DOK6: variants seen among roughly 807,000 people sequenced by gnomAD.
DOK6 encodes docking protein 6.
A neutral mutation model predicts 44.0 loss-of-function variants in DOK6; 22 were observed. The observed-to-expected ratio is 0.50, with a 90% CI of 0.36 to 0.71. The LOEUF (loss-of-function observed/expected upper bound fraction) is 0.71. Among genes scored for constraint, DOK6 ranks in the 30% least tolerant of loss-of-function variants. The probability of loss-of-function intolerance (pLI) is 0.00; values close to 1 mark genes in which losing one functional copy is unlikely to be tolerated. For missense variants in DOK6, 340 were observed against 416.4 expected (o/e 0.82, Z 1.60); for synonymous variants, 166 against 145.5 (o/e 1.14, Z -1.01).
intron 3 of DOK6, among the ~76,000 whole-genome samples, chr18:69,650,881 T>C (rs28602364): frequency 0.49 from 74,271 of 152,090 alleles, 18,696 homozygotes; most frequent in Admixed American, 0.63. Context: ...TTTGACTGTT[T>C]TCTTTGGTAT....
chr18:69,556,026 G>A (rs1982677769), intron 1 of DOK6, among the ~76,000 whole-genome samples: 1 of 152,206 alleles, frequency 6.6e-6, no homozygotes, highest in Non-Finnish European at 1.5e-5. Context: ...ATTGCAAAGT[G>A]TCTCCATCTC....
intron 5 of DOK6, among the ~76,000 whole-genome samples, chr18:69,717,751 C>G (rs1335820894): frequency 6.6e-6 from 1 of 152,088 alleles, no homozygotes; most frequent in African/African-American, 2.4e-5. Context: ...CTGGGGTGAT[C>G]AGGGCAGAGA....
chr18:69,420,110 T>C (rs1599122276), intron 1 of DOK6, among the ~76,000 whole-genome samples: 1 of 152,138 alleles, frequency 6.6e-6, no homozygotes, highest in Non-Finnish European at 1.5e-5. Context: ...AAATTTAGCT[T>C]TTTAACCAAT....
intron 1 of DOK6, among the ~76,000 whole-genome samples, chr18:69,416,742 A>G (rs1026198182): frequency 6.6e-6 from 1 of 152,118 alleles, no homozygotes; most frequent in Non-Finnish European, 1.5e-5. Flanking sequence ...GGCCCACCTC[A>G]TAGGGCTGTG....
At chr18:69,663,645 T>C (rs1568326462) in intron 3 of DOK6, among the ~76,000 whole-genome samples, 1 of 152,188 alleles carries the variant, frequency 6.6e-6, no homozygotes. Context: ...AATTTTGTTA[T>C]CCTTTCCCCA....
At chr18:69,478,930 A>T (rs983916493) in intron 1 of DOK6, among the ~76,000 whole-genome samples, 7 of 152,174 alleles carry the variant, frequency 4.6e-5, no homozygotes, top group African/African-American at 1.7e-4. Context: ...ATAGAAAAAG[A>T]CCACCAGATT....
chr18:69,513,394 A>ACACACACACT (rs1568281770), intron 1 of DOK6, among the ~76,000 whole-genome samples: 21 of 152,200 alleles, frequency 1.4e-4, no homozygotes, highest in Non-Finnish European at 8.8e-5. Context: ...ACACACGCAC[A>ACACACACACT]CTCTCTCTCA....
At chr18:69,775,408 A>G (rs1568122897) in intron 7 of DOK6, among the ~76,000 whole-genome samples, 1 of 152,102 alleles carries the variant, frequency 6.6e-6, no homozygotes, top group East Asian at 1.9e-4. Flanking sequence ...TTTAAAAGAA[A>G]GGTAGAATTA....
chr18:69,698,844 G>C (rs1231812103), intron 5 of DOK6, among the ~76,000 whole-genome samples: 1 of 151,998 alleles, frequency 6.6e-6, no homozygotes, highest in East Asian at 1.9e-4. Flanking sequence ...ACTCAAACTG[G>C]TTTTGTAATT....
chr18:69,582,480 G>C (rs972077129), intron 2 of DOK6, among the ~76,000 whole-genome samples: 12 of 152,134 alleles, frequency 7.9e-5, no homozygotes, highest in African/African-American at 2.7e-4. Context: ...TTGTAACAAA[G>C]AGTTGATATA....
chr18:69,406,945 G>C (rs1229346768), intron 1 of DOK6, among the ~76,000 whole-genome samples: 1 of 152,140 alleles, frequency 6.6e-6, no homozygotes, highest in East Asian at 1.9e-4. Flanking sequence ...GCGGGGTGCA[G>C]AGGCCAGCGC....
At chr18:69,721,096 C>T (rs974718514) in intron 5 of DOK6, among the ~76,000 whole-genome samples, 4 of 152,154 alleles carry the variant, frequency 2.6e-5, no homozygotes, top group Non-Finnish European at 4.4e-5. Flanking sequence ...AAAGAAGTAG[C>T]TATCCTCACA....
At chr18:69,484,181 C>T (rs1318326815) in intron 1 of DOK6, among the ~76,000 whole-genome samples, 2 of 151,950 alleles carry the variant, frequency 1.3e-5, no homozygotes, top group Admixed American at 6.6e-5. Context: ...CAATAGGTCT[C>T]TAAAATCCGA....
At chr18:69,723,798 G>T (rs1249991844) in intron 5 of DOK6, among the ~76,000 whole-genome samples, 2 of 152,134 alleles carry the variant, frequency 1.3e-5, no homozygotes, top group Non-Finnish European at 2.9e-5. Flanking sequence ...CAGTTTTAGA[G>T]ATGGGCAGCC....
intron 3 of DOK6, among the ~76,000 whole-genome samples, chr18:69,609,010 T>A (rs1984071381): frequency 6.6e-6 from 1 of 151,952 alleles, no homozygotes. Context: ...TTAACTATTT[T>A]CTTAACTATT....
intron 1 of DOK6, among the ~76,000 whole-genome samples, chr18:69,441,020 G>A (rs1979122300): frequency 6.6e-6 from 1 of 151,988 alleles, no homozygotes; most frequent in Non-Finnish European, 1.5e-5. Context: ...AAATTACAAA[G>A]GCAGAAAGAT....
intron 2 of DOK6, among the ~76,000 whole-genome samples, chr18:69,597,934 A>G (rs1983784403): frequency 6.6e-6 from 1 of 152,232 alleles, no homozygotes; most frequent in African/African-American, 2.4e-5. Context: ...GATCAACTGT[A>G]ACTTTAAAAA....
intron 1 of DOK6, among the ~76,000 whole-genome samples, chr18:69,410,204 A>G (rs900681431): frequency 1.3e-5 from 2 of 152,258 alleles, no homozygotes; most frequent in African/African-American, 4.8e-5. Flanking sequence ...ATAATTATCT[A>G]TATTACCTAT....
At position 69,841,372 on chromosome 18, in the gene DOK6, C is replaced by T. The variant is rs1343759333; in HGVS notation, c.985C>T (p.Leu329Phe). 1.2e-6 allele frequency: 2 copies of T among 1,614,196 alleles called. No individual in the cohort carries two copies. Among genetic ancestry groups the T allele is most frequent in the Non-Finnish European group, 1.7e-6 (2 of 1,180,018 alleles). The change falls in exon 8 of 8, where the codon CTC becomes TTC. Residue 329 changes from leucine to phenylalanine, a missense_variant. Physicochemically the swap from Leu to Phe is conservative, Grantham distance 22. This residue lies in a region of DOK6 where 112 missense variants were observed against 109.3 expected (regional missense o/e 1.02). Transcript: ENST00000382713. ...CTATGGATTCAGCTACAGCTCCAGCCTCATCCAATGACACACAGAGAGCCG... is the reference window on the plus strand; with the variant it reads ...CTATGGATTCAGCTACAGCTCCAGCTTCATCCAATGACACACAGAGAGCCG... Reference protein sequence around the residue: ...SSYGFSYSSSLIQ With the variant: ...SSYGFSYSSSFIQ
Sources: gnomAD v4.1 joint callset for allele counts (sites outside exome capture counted in the v4.1 genomes callset) on GRCh38, gnomAD v4.1.1 for gene constraint, gnomAD v4.1.1 regional missense constraint, MANE v1.5 for transcripts, NCBI Gene and HGNC (gene_info 2026-07-23, HGNC 2026-07-21) for gene names.